Variants in ARHGAP28 observed in about 807,000 individuals in gnomAD.
ARHGAP28 encodes Rho GTPase activating protein 28.
In ARHGAP28, 56 loss-of-function variants were observed where a neutral mutation model predicts 90.7. The observed-to-expected ratio is 0.62, with a 90% CI of 0.50 to 0.77. The LOEUF is 0.77. Ranked by LOEUF, ARHGAP28 falls within the 30% of genes least tolerant of loss-of-function variation. The pLI, the probability that ARHGAP28 is intolerant of heterozygous loss-of-function variation, is 0.00. For synonymous variants in ARHGAP28, 308 were observed against 323.3 expected, an observed-to-expected ratio of 0.95 and a Z score of 0.51; for missense variants, 869 against 900.9, an observed-to-expected ratio of 0.96 and a Z score of 0.45.
At chr18:6,751,466 G>GT (rs2056068780) in intron 1 of ARHGAP28, among the ~76,000 whole-genome samples, 2 of 152,150 alleles carry the variant, frequency 1.3e-5, no homozygotes, top group African/African-American at 4.8e-5. Context: ...TCTTGTTAAA[G>GT]TGCAGCATCT....
At chr18:6,896,879 A>C (rs560360044) in intron 16 of ARHGAP28, 5 of 331,588 alleles carry the variant, frequency 1.5e-5, no homozygotes, top group African/African-American at 1.1e-4. Context: ...TCGTAGCTTC[A>C]TTTATTCAGT....
At chr18:6,860,082 A>C (rs554663369) in intron 5 of ARHGAP28, among the ~76,000 whole-genome samples, 185 bp downstream of exon 5, 2 of 152,368 alleles carry the variant, frequency 1.3e-5, no homozygotes, top group Admixed American at 6.5e-5. Flanking sequence ...AAGAGGCTCA[A>C]AATAAATGAG....
intron 1 of ARHGAP28, among the ~76,000 whole-genome samples, chr18:6,794,895 C>T (rs2056430739): frequency 6.6e-6 from 1 of 152,028 alleles, no homozygotes; most frequent in Admixed American, 6.6e-5. Context: ...GTTGCCCAGG[C>T]TGGTCTCGAA....
intron 1 of ARHGAP28, among the ~76,000 whole-genome samples, chr18:6,769,313 G>C (rs1186901892): frequency 1.3e-5 from 2 of 152,074 alleles, no homozygotes; most frequent in Admixed American, 1.3e-4. Flanking sequence ...ATATAAGTCA[G>C]GGACAACCTG....
intron 1 of ARHGAP28, among the ~76,000 whole-genome samples, chr18:6,751,665 T>A (rs1222647640): frequency 6.6e-6 from 1 of 152,226 alleles, no homozygotes; most frequent in African/African-American, 2.4e-5. Flanking sequence ...TGTGGGCACA[T>A]ACAAACTGGT....
intron 1 of ARHGAP28, among the ~76,000 whole-genome samples, chr18:6,801,934 T>G (rs2056484996): frequency 6.6e-6 from 1 of 152,206 alleles, no homozygotes; most frequent in African/African-American, 2.4e-5. Context: ...TTTCAGCCTC[T>G]GGTAACTACC....
At chr18:6,910,722 A>AG (rs1208728729) in intron 17 of ARHGAP28, among the ~76,000 whole-genome samples, 7 of 152,076 alleles carry the variant, frequency 4.6e-5, no homozygotes, top group Admixed American at 4.6e-4. Flanking sequence ...GCTCTTAGAC[A>AG]TGGCTGTAAA....
chr18:6,772,753 A>G (rs2056253368), intron 1 of ARHGAP28, among the ~76,000 whole-genome samples: 1 of 149,802 alleles, frequency 6.7e-6, no homozygotes, highest in Non-Finnish European at 1.5e-5. Context: ...TTTTTTTTTG[A>G]GACGGAGTTT....
At chr18:6,894,421 C>T (rs1326982115) in intron 14 of ARHGAP28, among the ~76,000 whole-genome samples, 1 of 152,174 alleles carries the variant, frequency 6.6e-6, no homozygotes, top group East Asian at 1.9e-4. Context: ...ATGTAGCATA[C>T]AGGAAACACT....
intron 1 of ARHGAP28, among the ~76,000 whole-genome samples, chr18:6,778,403 T>C (rs2056300715): frequency 1.3e-5 from 2 of 152,176 alleles, no homozygotes; most frequent in Admixed American, 1.3e-4. Context: ...GGAGAAGAAA[T>C]TGGTCATGTT....
intron 1 of ARHGAP28, among the ~76,000 whole-genome samples, chr18:6,758,544 G>A (rs188722720): frequency 1.2e-4 from 18 of 152,250 alleles, no homozygotes; most frequent in African/African-American, 2.6e-4. Context: ...GGCTGGTCTC[G>A]AACTCCTGAC....
chr18:6,745,987 C>T (rs1023827841), intron 1 of ARHGAP28, among the ~76,000 whole-genome samples: 1 of 152,170 alleles, frequency 6.6e-6, no homozygotes, highest in Non-Finnish European at 1.5e-5. Flanking sequence ...TCTGGAGACT[C>T]ATTTCTCCAT....
chr18:6,731,215 T>C (rs1600134327), intron 1 of ARHGAP28, among the ~76,000 whole-genome samples: 1 of 152,160 alleles, frequency 6.6e-6, no homozygotes, highest in African/African-American at 2.4e-5. Context: ...GTCTTTAGGG[T>C]ATTTTCTTTT....
At position 6,750,520 on chromosome 18, in the gene ARHGAP28, G is replaced by T. The variant is rs554018512; in HGVS notation, c.122+20577G>T. Among the ~76,000 whole-genome samples, 5 of 152,300 alleles carry T rather than the reference G, an allele frequency of 3.3e-5. No individual in the cohort carries two copies. The East Asian group carries it at 9.7e-4, about 29-fold the overall frequency. On this transcript the variant is annotated intron_variant, in intron 1 of 17. Transcript: ENST00000383472. ...TAGTCTGTTTCCTGTTTCTATAAAA[G>T]AATGTCAAAGACTGGATACTGTATA...
At chr18:6,732,200 C>T (rs1456559783) in intron 1 of ARHGAP28, among the ~76,000 whole-genome samples, 2 of 151,982 alleles carry the variant, frequency 1.3e-5, no homozygotes, top group South Asian at 2.1e-4. Context: ...GTATCTGGTA[C>T]ATTGTAGTAG....
At chr18:6,805,775 A>G (rs549802306) in intron 1 of ARHGAP28, among the ~76,000 whole-genome samples, 1 of 152,020 alleles carries the variant, frequency 6.6e-6, no homozygotes, top group Non-Finnish European at 1.5e-5. Context: ...ATGAGCCACC[A>G]TGCCTGGCTA....
intron 14 of ARHGAP28, among the ~76,000 whole-genome samples, chr18:6,893,867 G>GTTT (rs5822929): frequency 7.3e-4 from 95 of 130,782 alleles, no homozygotes; most frequent in Middle Eastern, 4.3e-3. Context: ...TTGCTTTTTG[G>GTTT]TTTTTTTTTT....
chr18:6,778,577 C>T (rs983227069), intron 1 of ARHGAP28, among the ~76,000 whole-genome samples: 6 of 152,204 alleles, frequency 3.9e-5, no homozygotes, highest in African/African-American at 1.4e-4. Flanking sequence ...AATGTGTCTT[C>T]AGACCAGTGG....
In ARHGAP28 at chr18:6,729,779, G is replaced by A. The variant is rs2055858755; in HGVS notation, c.-43G>A. 7.4e-6 allele frequency: 10 copies of A among 1,352,688 alleles called. No individual in the cohort carries two copies. Among genetic ancestry groups the A allele is most frequent in the Non-Finnish European group, 9.5e-6 (10 of 1,055,408 alleles). The allele number at this position is 1,352,688 out of a possible 1,614,324, so 83.8% of individuals were successfully genotyped here. On this transcript the variant is annotated 5_prime_UTR_variant, in exon 1 of 18. Transcript: ENST00000383472. Reference sequence around the variant, plus strand: ...CGGCGCGCCGGTCCATGCTGGTCCCGGTCTTTGTTCTGGGGCCGGCGCCGA... The same window carrying A: ...CGGCGCGCCGGTCCATGCTGGTCCCAGTCTTTGTTCTGGGGCCGGCGCCGA...
Sources: gnomAD v4.1 joint callset for allele counts (sites outside exome capture counted in the v4.1 genomes callset) on GRCh38, gnomAD v4.1.1 for gene constraint, MANE v1.5 for transcripts, NCBI Gene and HGNC (gene_info 2026-07-23, HGNC 2026-07-21) for gene names.